The following ADAP1 variants were observed in gnomAD, a reference collection of about 807,000 sequenced individuals.
ADAP1 encodes ArfGAP with dual PH domains 1, also known as arf-GAP with dual PH domain-containing protein 1.
A neutral mutation model predicts 54.9 loss-of-function variants in ADAP1; 31 were observed. That is an observed-to-expected ratio of 0.56 (90% CI 0.42 to 0.76). ADAP1 has a LOEUF of 0.76. Among genes scored for constraint, ADAP1 ranks in the 30% least tolerant of loss-of-function variants. The pLI, the probability that ADAP1 is intolerant of heterozygous loss-of-function variation, is 0.00. For synonymous variants in ADAP1, 313 were observed against 202.6 expected (o/e 1.55, Z -4.63); for missense variants, 535 against 512.4 (o/e 1.04, Z -0.42).
rs567794921 is a variant in ADAP1, at chr7:898,839, G to T, written c.*82C>A. On this transcript the variant is annotated 3_prime_UTR_variant, in exon 11 of 11. Transcript: ENST00000265846. ...GAGCAGGTGGGGCCAGGTGGCCTCA[G>T]GACGCCAGAGCCCCCCCATCCACGG... 13 of 1,538,432 alleles carry T rather than the reference G, an allele frequency of 8.5e-6. No individual in the cohort carries two copies. Among genetic ancestry groups the T allele is most frequent in the Non-Finnish European group, 1.1e-5 (13 of 1,142,208 alleles).
rs57439510 is a variant in ADAP1, at chr7:906,606, AG to A, written c.389-1435del. On this transcript the variant is annotated intron_variant, in intron 4 of 10. Coordinates refer to ENST00000265846, the MANE Select transcript of ADAP1 (RefSeq NM_006869.4). ...AGAAAGGAGAAAGGAGAAGGGAGAA[AG>A]GGAGAAAGGGAAAGGAGAAAGGAGA... Among the ~76,000 whole-genome samples, 22 of 13,324 alleles carry A rather than the reference AG, an allele frequency of 1.7e-3. 3 individuals carry two copies. Among genetic ancestry groups the A allele is most frequent in the African/African-American group, 4.8e-3 (10 of 2,074 alleles). 8.7% of individuals were successfully genotyped at this position (13,324 alleles called of 152,430 possible). A position where few individuals can be genotyped will look rare whatever the true frequency, so the allele number is the denominator to read the frequency against.
intron 8 of ADAP1, 68 bp downstream of exon 8, chr7:900,034 G>A (rs1844710254): frequency 1.2e-5 from 19 of 1,569,946 alleles, no homozygotes; most frequent in Non-Finnish European, 1.6e-5. Context: ...CAAGGCTGCT[G>A]CACTTCAGTC....
intron 6 of ADAP1, chr7:900,992 C>T: frequency 2.0e-6 from 1 of 498,834 alleles, no homozygotes; most frequent in Non-Finnish European, 4.1e-6. Context: ...TCAGATGGTG[C>T]TATTTTTATG....
chr7:907,149 C>T (rs1203693196), intron 4 of ADAP1, among the ~76,000 whole-genome samples: 1 of 152,186 alleles, frequency 6.6e-6, no homozygotes, highest in African/African-American at 2.4e-5. Flanking sequence ...CTCAAGCCCT[C>T]ATCTCCGCCT....
At chr7:916,768 A>T (rs1403660033) in intron 4 of ADAP1, among the ~76,000 whole-genome samples, 2 of 151,966 alleles carry the variant, frequency 1.3e-5, no homozygotes, top group Non-Finnish European at 2.9e-5. Flanking sequence ...GGGGGGCAGG[A>T]GCTGCCCTGG....
chr7:903,483 C>T (rs905464170), intron 6 of ADAP1, among the ~76,000 whole-genome samples: 25 of 152,266 alleles, frequency 1.6e-4, no homozygotes, highest in African/African-American at 3.1e-4. Flanking sequence ...AACGATATAG[C>T]GCTTTAGACC....
intron 2 of ADAP1, among the ~76,000 whole-genome samples, chr7:929,119 C>T (rs1846482248): frequency 6.6e-6 from 1 of 152,018 alleles, no homozygotes; most frequent in African/African-American, 2.4e-5. Context: ...CGGTGAGACC[C>T]CGTCTCTACT....
intron 1 of ADAP1, among the ~76,000 whole-genome samples, chr7:940,973 A>G (rs2128110150): frequency 6.6e-6 from 1 of 152,312 alleles, no homozygotes; most frequent in South Asian, 2.1e-4. Context: ...CCAATTTGAT[A>G]TAGAGGATTC....
rs1033188291 is a variant in ADAP1, at chr7:920,898, G to A, written c.306-848C>T. The A allele has an allele frequency of 1.9e-6, 3 of 1,545,928 alleles. No individual in the cohort carries two copies. The highest frequency in any genetic ancestry group is 2.7e-5 in the African/African-American group (2 of 73,068). ...CACTCCCAGGGAATTACGCGGCAAAGAACAAATAGGAACCCTGTGGCTTCC... is the reference window on the plus strand; with the variant it reads ...CACTCCCAGGGAATTACGCGGCAAAAAACAAATAGGAACCCTGTGGCTTCC... On this transcript the variant is annotated intron_variant, in intron 3 of 10. Coordinates refer to ENST00000265846, the MANE Select transcript of ADAP1 (RefSeq NM_006869.4). The surrounding 1 kb of genome is among the most constrained non-coding windows in gnomAD (Gnocchi z 4.5).
At chr7:909,096 G>A (rs1156339612) in intron 4 of ADAP1, among the ~76,000 whole-genome samples, 2 of 152,132 alleles carry the variant, frequency 1.3e-5, no homozygotes, top group African/African-American at 2.4e-5. Flanking sequence ...CGGTGTTCTC[G>A]GGGTCCAGAC....
intron 4 of ADAP1, 21 bp downstream of exon 4, chr7:919,947 A>G (rs756121020): frequency 3.4e-5 from 54 of 1,582,816 alleles, no homozygotes; most frequent in Admixed American, 1.7e-4. Context: ...GGGAGGCCCC[A>G]CCCCACCCGG....
chr7:917,899 T>G (rs935938274), intron 4 of ADAP1, among the ~76,000 whole-genome samples: 3 of 151,986 alleles, frequency 2.0e-5, no homozygotes, highest in Admixed American at 6.6e-5. Flanking sequence ...GTCTCCCAAG[T>G]AGCTGGAACC....
chr7:940,089 T>A (rs1846901313), intron 1 of ADAP1, among the ~76,000 whole-genome samples: 1 of 152,130 alleles, frequency 6.6e-6, no homozygotes, highest in East Asian at 1.9e-4. Context: ...TCCTTGGTAT[T>A]TGTGTGTGAG....
chr7:911,823 G>C (rs1418506385), intron 4 of ADAP1, among the ~76,000 whole-genome samples: 4 of 151,934 alleles, frequency 2.6e-5, no homozygotes, highest in African/African-American at 9.7e-5. Context: ...GGGACCCACG[G>C]AGGGCCAGGA....
intron 8 of ADAP1, among the ~76,000 whole-genome samples, chr7:899,831 T>C (rs1201073355): frequency 2.6e-5 from 4 of 151,854 alleles, no homozygotes; most frequent in Non-Finnish European, 4.4e-5. Flanking sequence ...CCTCAGGGAA[T>C]GGCAAGATGT....
At chr7:903,647 C>A (rs901619089) in intron 6 of ADAP1, among the ~76,000 whole-genome samples, 2 of 152,086 alleles carry the variant, frequency 1.3e-5, no homozygotes, top group Non-Finnish European at 2.9e-5. Context: ...TCCAGAGATG[C>A]GGGGTACACC....
intron 3 of ADAP1, among the ~76,000 whole-genome samples, chr7:923,937 C>T (rs1430489322): frequency 6.6e-6 from 1 of 152,132 alleles, no homozygotes; most frequent in Non-Finnish European, 1.5e-5. Flanking sequence ...GAGTCCCCTG[C>T]CCACCTCGCC....
intron 3 of ADAP1, among the ~76,000 whole-genome samples, chr7:924,899 G>A (rs371629099): frequency 1.2e-4 from 19 of 152,284 alleles, no homozygotes; most frequent in South Asian, 8.3e-4. Context: ...CCGAGAGCCC[G>A]GGGCACGGCC....
chr7:922,010 G>A (rs1846208246), intron 3 of ADAP1, among the ~76,000 whole-genome samples: 1 of 152,198 alleles, frequency 6.6e-6, no homozygotes, highest in Non-Finnish European at 1.5e-5. Flanking sequence ...GCAGCAGCAG[G>A]AGGAAGCCTG....
Sources: gnomAD v4.1 joint callset for allele counts (sites outside exome capture counted in the v4.1 genomes callset) on GRCh38, gnomAD v4.1.1 for gene constraint, Gnocchi (gnomAD v3.1) non-coding constraint, MANE v1.5 for transcripts, NCBI Gene and HGNC (gene_info 2026-07-23, HGNC 2026-07-21) for gene names.